TTN: variants seen among roughly 807,000 people sequenced by gnomAD.
TTN encodes the protein connectin.
TTN carries 1,525 observed loss-of-function variants against 3,223.0 expected under a neutral mutation model. The observed-to-expected ratio is 0.47, with a 90% confidence interval of 0.45 to 0.49. TTN has a LOEUF of 0.49. Ranked by LOEUF, TTN falls within the 20% of genes least tolerant of loss-of-function variation. The pLI is 0.00. For synonymous variants in TTN, 14,094 were observed against 15,161.0 expected (o/e 0.93, Z 5.17); for missense variants, 40,786 against 43,424.0 (o/e 0.94, Z 5.40).
chr2:178,709,631 A>C lies in TTN; in HGVS notation c.28688T>G (p.Leu9563Trp), dbSNP rs770692880. ...VRKAGMNDAG[L>W]YTCKVSNDAG... The stretch of plus-strand genomic sequence containing the variant: ...ATCATTGGACACTTTGCATGTGTAC[A>C]AACCAGCGTCGTTCATGCCTGCTTT... Residue 9563 changes from leucine to tryptophan, a missense_variant, in exon 99 of 363, where the codon TTG (leucine) becomes TGG (tryptophan). Transcript: ENST00000589042. The C allele has an allele frequency of 3.7e-6, 6 of 1,613,832 alleles. No individual in the cohort carries two copies. In the East Asian group the frequency reaches 1.3e-4, roughly 36 times the overall value.
At position 178,608,768 on chromosome 2, in the gene TTN, C is replaced by A. The variant is rs397517609; in HGVS notation, c.52243G>T (p.Asp17415Tyr). Residue 17415 changes from aspartate (D) to tyrosine (Y), a missense_variant, in exon 274 of 363, where the codon GAC becomes TAC. Asp to Tyr is a radical substitution (Grantham distance 160). Transcript: ENST00000589042. ...GAAGTGACAACAATCCATTCTGAGT[C>A]GGGTTTTGTCTTGTCTTTCTTTTCC... ...TLEKKDKTKP[D>Y]SEWIVVTSTL... The A allele has an allele frequency of 6.2e-7, 1 of 1,612,518 alleles. No individual in the cohort carries two copies. The highest frequency in any genetic ancestry group is 8.5e-7 in the Non-Finnish European group (1 of 1,179,178).
intron 48 of TTN, among the ~76,000 whole-genome samples, 196 bp downstream of exon 48, chr2:178,738,945 A>G (rs563647879): frequency 6.6e-6 from 1 of 152,352 alleles, no homozygotes; most frequent in East Asian, 1.9e-4. Context: ...TACCATGGAT[A>G]TGATAGCATA....
At position 178,722,517 on chromosome 2, in the gene TTN, G is replaced by C; in HGVS notation, c.22270C>G (p.Gln7424Glu). ...ACAGTTTGTTCAATGTCCTTTAATT[G>C]TCTTGCAAAAGAAGGTGGGAGTTGG... Reference protein sequence around the residue: ...ERQLPPSFARQLKDIEQTVGL... With the variant: ...ERQLPPSFARELKDIEQTVGL... Residue 7424 changes from glutamine (Q) to glutamate (E), a missense_variant, in exon 77 of 363, where the codon CAA (glutamine) becomes GAA (glutamate). Transcript: ENST00000589042. 1 of 1,612,466 alleles carries C rather than the reference G, an allele frequency of 6.2e-7. No individual in the cohort carries two copies. Among genetic ancestry groups the C allele is most frequent in the Non-Finnish European group, 8.5e-7 (1 of 1,178,996 alleles).
intron 98 of TTN, 41 bp downstream of exon 98, chr2:178,710,594 T>C: frequency 6.4e-7 from 1 of 1,574,332 alleles, no homozygotes; most frequent in East Asian, 2.3e-5. Flanking sequence ...TACTACAAAA[T>C]GATTACACTT....
At position 178,552,100 on chromosome 2, in the gene TTN, G is replaced by T; in HGVS notation, c.90800C>A (p.Thr30267Asn). 1 of 1,613,732 alleles carries T rather than the reference G, an allele frequency of 6.2e-7. No individual in the cohort carries two copies. The highest frequency in any genetic ancestry group is 2.2e-5 in the East Asian group (1 of 44,866). The change falls in exon 335 of 363, where the codon ACT (threonine) becomes AAT (asparagine). Residue 30267 changes from threonine (T) to asparagine (N), a missense_variant. Transcript: ENST00000589042. ...ITCYSIEKRE[T>N]SQTNWKMVCS... ...CACCATCTTCCAGTTAGTTTGTGAAGTTTCCCGCTTCTCGATGCTGTAACA... is the reference window on the plus strand; with the variant it reads ...CACCATCTTCCAGTTAGTTTGTGAATTTTCCCGCTTCTCGATGCTGTAACA...
At chr2:178,555,259 A>G (rs968975457) in intron 330 of TTN, 107 bp from the exon 331 acceptor site, 112 of 990,152 alleles carry the variant, frequency 1.1e-4, no homozygotes, top group Middle Eastern at 9.5e-4. Context: ...AATTATACAC[A>G]CACACCATCA....
intron 239 of TTN, 57 bp downstream of exon 239, chr2:178,630,184 C>CA: frequency 6.2e-7 from 1 of 1,605,052 alleles, no homozygotes; most frequent in Non-Finnish European, 8.5e-7. Flanking sequence ...ATTTCACTCA[C>CA]ATTCATTTTC....
rs765163049 is a variant in TTN, at chr2:178,665,404, C to T, written c.36016G>A (p.Glu12006Lys). 2.5e-6 allele frequency: 4 copies of T among 1,612,442 alleles called. No individual in the cohort carries two copies. ...PEMKIFEDVPEEPETPRMKTP... is the reference protein window; with the variant it reads ...PEMKIFEDVPKEPETPRMKTP... The stretch of plus-strand genomic sequence containing the variant: ...TTCATACGTGGAGTTTCTGGCTCTT[C>T]AGGTACATCCTCAAATATTTTCATT... The change falls in exon 165 of 363, where the codon GAA becomes AAA. Residue 12006 changes from glutamate (E) to lysine (K), a missense_variant. Physicochemically the swap from Glu to Lys is moderately conservative, Grantham distance 56. Coordinates refer to ENST00000589042, the MANE Select transcript of TTN (RefSeq NM_001267550.2).
At position 178,531,487 on chromosome 2, in the gene TTN, C is replaced by T. The variant is rs370137295; in HGVS notation, c.105128G>A (p.Arg35043His). 2.4e-4 allele frequency: 386 copies of T among 1,613,846 alleles called. No individual in the cohort carries two copies. The highest frequency in any genetic ancestry group is 2.9e-4 in the Non-Finnish European group (337 of 1,179,894). Residue 35043 changes from arginine to histidine, a missense_variant, in exon 358 of 363, where the codon CGC (arginine) becomes CAC (histidine). By Grantham distance (29) the Arg-to-His change is conservative. Transcript: ENST00000589042. ...AGATCTGGGGACCTCTTCATCTCTG[C>T]GTTGGGAAGCATAGGTGGTATAATC... ...GGDYTTYASQ[R>H]RDEEVPRSVF...
At position 178,588,943 on chromosome 2, in the gene TTN, G is replaced by A. The variant is rs763157400; in HGVS notation, c.62782C>T (p.Leu20928Phe). 2 of 1,612,744 alleles carry A rather than the reference G, an allele frequency of 1.2e-6. No homozygotes were observed. The highest frequency in any genetic ancestry group is 3.3e-5 in the Admixed American group (2 of 59,890). Residue 20928 changes from leucine to phenylalanine, a missense_variant, in exon 304 of 363, where the codon CTC (leucine) becomes TTC (phenylalanine). Leu to Phe is a conservative substitution (Grantham distance 22). Coordinates refer to ENST00000589042, the MANE Select transcript of TTN (RefSeq NM_001267550.2). ...VLTPGTTVTRLIEGNEYIFRV... is the reference protein window; with the variant it reads ...VLTPGTTVTRFIEGNEYIFRV... ...AAAATATATTCATTTCCTTCTATGA[G>A]ACGTGTTACTGTAGTACCAGGTGTC...
rs1002453249 is a variant in TTN at position 178,576,543 on chromosome 2, A to G, written c.69701T>C (p.Met23234Thr). The G allele has an allele frequency of 2.5e-6, 4 of 1,613,156 alleles. No individual in the cohort carries two copies. Among genetic ancestry groups the G allele is most frequent in the Non-Finnish European group, 3.4e-6 (4 of 1,179,600 alleles). Residue 23234 changes from methionine (M) to threonine (T), a missense_variant, in exon 325 of 363, where the codon ATG (methionine) becomes ACG (threonine). Transcript: ENST00000589042. The surrounding 1 kb of genome is among the most constrained non-coding windows in gnomAD (Gnocchi z 4.3). ...CAAATACTAACATGCTGCATCTTTC[A>G]TCAGAACAGAATCTGAAGCCTCACT... is the stretch of plus-strand genomic sequence containing the variant. ...PPSEASDSVL[M>T]KDAAYPPGPP...
At chr2:178,745,614 C>G in intron 47 of TTN, 1 of 1,612,772 alleles carries the variant, frequency 6.2e-7, no homozygotes, top group Non-Finnish European at 8.5e-7. Context: ...GCAAAGCTCT[C>G]AGCCATTCCT....
Position 178,764,776 on chromosome 2 carries a change from GC to G in TTN, c.9738del (p.Gln3246HisfsTer16). 6.2e-7 allele frequency: 1 copy of G among 1,613,762 alleles called. No individual in the cohort carries two copies. Among genetic ancestry groups the G allele is most frequent in the Non-Finnish European group, 8.5e-7 (1 of 1,179,920 alleles). Reference protein sequence around the residue: ...PEPPQVLQELQPVTVQSGKPA... With the variant: ...PEPPQVLQELXPVTVQSGKPA... ...GGCTTGCCAGACTGCACAGTGACAG[GC>G]TGGAGCTCCTGCAGAACTTGGGGCG... On this transcript the variant is annotated frameshift_variant, in exon 42 of 363. Transcript: ENST00000589042. LOFTEE classifies it high-confidence loss of function.
chr2:178,619,327 C>A, intron 250 of TTN: 1 of 461,478 alleles, frequency 2.2e-6, no homozygotes, highest in East Asian at 4.3e-5. Flanking sequence ...AGTATAAGAC[C>A]GTCTTTAGAT....
Position 178,563,341 on chromosome 2 carries a change from A to G in TTN, c.82791T>C (p.Asp27597=). 1.2e-6 allele frequency: 2 copies of G among 1,613,660 alleles called. No individual in the cohort carries two copies. The highest frequency in any genetic ancestry group is 1.7e-6 in the Non-Finnish European group (2 of 1,179,740). The change falls in exon 326 of 363, where the codon GAT becomes GAC. Residue 27597 remains aspartate (D), a synonymous_variant. Transcript: ENST00000589042. The surrounding 1 kb of genome is among the most constrained non-coding windows in gnomAD (Gnocchi z 4.5). ...CATAGCCTTTAACAGGTGCGCCACC[A>G]TCATAAATTGGCTTACTCCATGCCA... ...VSLAWSKPIY[D]GGAPVKGYVV...
At position 178,618,309 on chromosome 2, in the gene TTN, T is replaced by G; in HGVS notation, c.47149A>C (p.Thr15717Pro). The G allele has an allele frequency of 6.2e-7, 1 of 1,612,736 alleles. No homozygotes were observed. The highest frequency in any genetic ancestry group is 1.7e-4 in the Middle Eastern group (1 of 6,048). Residue 15717 changes from threonine (T) to proline (P), a missense_variant, in exon 252 of 363, where the codon ACT becomes CCT. Thr to Pro is a conservative substitution (Grantham distance 38). Transcript: ENST00000589042. ...CCTCCTTTCTGTAGACCAGTGACAG[T>G]AAACTCACAACTCTCTGCACGGTCT... ...ATDRAESCEF[T>P]VTGLQKGGVE... is the part of the protein sequence containing the mutation.
In TTN at chr2:178,587,377, G is replaced by A. The variant is rs911870330; in HGVS notation, c.63834C>T (p.Val21278=). 14 of 1,611,020 alleles carry A rather than the reference G, an allele frequency of 8.7e-6. No homozygotes were observed. The highest frequency in any genetic ancestry group is 1.2e-5 in the Non-Finnish European group (14 of 1,178,512). The change falls in exon 307 of 363, where the codon GTC becomes GTT. Residue 21278 remains valine (V), a synonymous_variant. Coordinates refer to ENST00000589042, the MANE Select transcript of TTN (RefSeq NM_001267550.2). ...AGGACACATGGCATGATGTTTTAGT[G>A]ACATCTGAAACTTTTAAATCAGACA... The part of the protein sequence containing the change: ...GPVSDLKVSD[V]TKTSCHVSWA...
chr2:178,803,162 T>C (rs1277654486), intron 2 of TTN, among the ~76,000 whole-genome samples: 4 of 152,212 alleles, frequency 2.6e-5, no homozygotes, highest in Non-Finnish European at 5.9e-5. Context: ...GTAAAGATAA[T>C]CTAGAGAAAG....
rs879178329 is a variant in TTN at position 178,564,588 on chromosome 2, T to A, written c.81544A>T (p.Ile27182Phe). Residue 27182 changes from isoleucine (I) to phenylalanine (F), a missense_variant, in exon 326 of 363, where the codon ATT (isoleucine) becomes TTT (phenylalanine). Coordinates refer to ENST00000589042, the MANE Select transcript of TTN (RefSeq NM_001267550.2). ...TTCAGTGTGACATTGTTTCTTGTAA[T>A]AACAATGGCTTCAGGGCGACCAGGT... ...DPPGRPEAIV[I>F]TRNNVTLKWK... is the part of the protein sequence containing the mutation. 1 of 1,613,514 alleles carries A rather than the reference T, an allele frequency of 6.2e-7. No homozygotes were observed. Among genetic ancestry groups the A allele is most frequent in the Admixed American group, 1.7e-5 (1 of 59,978 alleles).
Sources: allele counts gnomAD v4.1 joint callset (sites outside exome capture counted in the v4.1 genomes callset), GRCh38; gene constraint gnomAD v4.1.1; non-coding constraint Gnocchi (gnomAD v3.1); transcripts MANE v1.5; gene names NCBI Gene and HGNC (gene_info 2026-07-23, HGNC 2026-07-21).